TERF2: variants seen among roughly 807,000 people sequenced by gnomAD.
TERF2 encodes telomeric repeat-binding factor 2.
A neutral mutation model predicts 56.1 loss-of-function variants in TERF2; 16 were observed. The ratio of observed to expected loss-of-function variants is 0.29; its 90% CI spans 0.19 to 0.43. The LOEUF is 0.43. Ranked by LOEUF, TERF2 falls within the 20% of genes least tolerant of loss-of-function variation. The pLI is 1.00. For synonymous variants in TERF2, 296 were observed against 282.1 expected (o/e 1.05, Z -0.50); for missense variants, 547 against 712.9 (o/e 0.77, Z 2.65).
intron 5 of TERF2, 47 bp downstream of exon 5, chr16:69,370,436 C>A: frequency 6.3e-7 from 1 of 1,592,428 alleles, no homozygotes. Flanking sequence ...ATTCCCCGCA[C>A]ATCCTCAAGG....
At chr16:69,365,377 C>G (rs1475528208) in intron 7 of TERF2, 2 of 152,376 alleles carry the variant, frequency 1.3e-5, no homozygotes, top group African/African-American at 4.8e-5. Context: ...ATGCCACAGC[C>G]CTTTGGGGCA....
At position 69,385,465 on chromosome 16, in the gene TERF2, C is replaced by T; in HGVS notation, c.401G>A (p.Gly134Glu). 1 of 1,614,112 alleles carries T rather than the reference C, an allele frequency of 6.2e-7. No individual in the cohort carries two copies. Among genetic ancestry groups the T allele is most frequent in the Non-Finnish European group, 8.5e-7 (1 of 1,180,006 alleles). Residue 134 changes from glycine to glutamate, a missense_variant, in exon 2 of 10, where the codon GGG (glycine) becomes GAG (glutamate). Gly to Glu is a moderately conservative substitution (Grantham distance 98, BLOSUM62 -2). Around this residue, in one of 6 missense-constraint regions of TERF2, gnomAD observed 120 missense variants for 172.4 expected, o/e 0.70. Coordinates refer to ENST00000254942, the MANE Select transcript of TERF2 (RefSeq NM_005652.5). ...CAATCGGGACACGGTGTGCTCCTTCCCCAAGGGCCTGACAAGCAAAGCTGG... is the reference window on the plus strand; with the variant it reads ...CAATCGGGACACGGTGTGCTCCTTCTCCAAGGGCCTGACAAGCAAAGCTGG... The part of the protein sequence containing the change: ...IMQALLVRPL[G>E]KEHTVSRLLR...
intron 2 of TERF2, among the ~76,000 whole-genome samples, 156 bp downstream of exon 2, chr16:69,385,235 C>T (rs1957253279): frequency 6.6e-6 from 1 of 152,050 alleles, no homozygotes; most frequent in African/African-American, 2.4e-5. Context: ...AAAACTAGAG[C>T]CAGTCGAGCC....
intron 7 of TERF2, chr16:69,366,584 C>T (rs1392707181): frequency 3.7e-6 from 2 of 534,698 alleles, no homozygotes; most frequent in Non-Finnish European, 6.5e-6. Flanking sequence ...TTTCCATTCC[C>T]ACTCATGCCC....
intron 3 of TERF2, among the ~76,000 whole-genome samples, chr16:69,383,809 T>C (rs554665529): frequency 1.3e-5 from 2 of 152,314 alleles, no homozygotes; most frequent in South Asian, 4.1e-4. Flanking sequence ...TTCTTAACCA[T>C]TTCCCTATTT....
At chr16:69,359,469 G>A (rs1196250152) in intron 8 of TERF2, among the ~76,000 whole-genome samples, 30 of 150,274 alleles carry the variant, frequency 2.0e-4, no homozygotes, top group African/African-American at 5.1e-4. Flanking sequence ...TGGAGGTTGC[G>A]GTGAGGCAAG....
chr16:69,369,274 C>A (rs1192631692), intron 5 of TERF2, among the ~76,000 whole-genome samples: 1 of 152,130 alleles, frequency 6.6e-6, no homozygotes. Flanking sequence ...AGATCATGGA[C>A]ACTATCCTAA....
intron 3 of TERF2, among the ~76,000 whole-genome samples, chr16:69,380,927 G>A (rs1046065033): frequency 1.4e-4 from 21 of 150,034 alleles, no homozygotes; most frequent in Middle Eastern, 3.5e-3. Flanking sequence ...TCAGTCTCCC[G>A]AGTAGCTGGG....
Position 69,366,824 on chromosome 16 carries a change from A to G in TERF2, c.1323T>C (p.Pro441=). ...CTTCATACTTGGGATTCTTCTCTCC[A>G]GGGAGGGGTTGGTTGAGAACGGTGG... The part of the protein sequence containing the change: ...SKPTVLNQPL[P]GEKNPKVPKG... Residue 441 remains proline, a synonymous_variant, in exon 7 of 10, where the codon CCT becomes CCC. Transcript: ENST00000254942. The G allele has an allele frequency of 6.2e-7, 1 of 1,612,506 alleles. No homozygotes were observed. The highest frequency in any genetic ancestry group is 8.5e-7 in the Non-Finnish European group (1 of 1,179,272).
chr16:69,375,967 CTT>C (rs1003666281), intron 3 of TERF2, among the ~76,000 whole-genome samples: 7 of 152,084 alleles, frequency 4.6e-5, no homozygotes, highest in African/African-American at 1.7e-4. Flanking sequence ...GATACCAGTT[CTT>C]TGTCAGGTGT....
At chr16:69,369,465 A>G (rs2142734412) in intron 5 of TERF2, among the ~76,000 whole-genome samples, 1 of 152,192 alleles carries the variant, frequency 6.6e-6, no homozygotes, top group South Asian at 2.1e-4. Context: ...CACCTGGCTA[A>G]TTTTTGTATT....
At position 69,385,981 on chromosome 16, in the gene TERF2, A is replaced by G. The variant is rs2014195022; in HGVS notation, c.-10T>C. On this transcript the variant is annotated 5_prime_UTR_variant, in exon 1 of 10. Transcript: ENST00000254942. ...CGGCTCCCGCGGCCATGATAGAAACAGCGTTCCGAGCCGCCCGCGGGCTTC... is the reference window on the plus strand; with the variant it reads ...CGGCTCCCGCGGCCATGATAGAAACGGCGTTCCGAGCCGCCCGCGGGCTTC... 2.3e-6 allele frequency: 3 copies of G among 1,319,994 alleles called. No individual in the cohort carries two copies. Among genetic ancestry groups the G allele is most frequent in the East Asian group, 3.1e-5 (1 of 31,850 alleles). 81.8% of individuals were successfully genotyped at this position (1,319,994 alleles called of 1,614,324 possible).
chr16:69,363,745 G>T (rs2013234084), intron 7 of TERF2, among the ~76,000 whole-genome samples: 1 of 152,222 alleles, frequency 6.6e-6, no homozygotes. Context: ...CAGGCAGGTG[G>T]ATCGCTTATT....
At chr16:69,362,900 A>C (rs2013198799) in intron 7 of TERF2, among the ~76,000 whole-genome samples, 1 of 152,228 alleles carries the variant, frequency 6.6e-6, no homozygotes, top group Non-Finnish European at 1.5e-5. Flanking sequence ...GCCATGAAGA[A>C]AAAACTTATT....
At chr16:69,382,025 C>G (rs72797163) in intron 3 of TERF2, among the ~76,000 whole-genome samples, 1 of 152,110 alleles carries the variant, frequency 6.6e-6, no homozygotes, top group Non-Finnish European at 1.5e-5. Flanking sequence ...ATCTTGATCA[C>G]GCTAAGGAAT....
intron 5 of TERF2, among the ~76,000 whole-genome samples, chr16:69,369,117 T>TATCTATAA (rs766945140): frequency 6.8e-6 from 1 of 148,134 alleles, no homozygotes; most frequent in Non-Finnish European, 1.5e-5. Flanking sequence ...TCAGGGCTCT[T>TATCTATAA]TGTGTTATAT....
chr16:69,372,882 A>T (rs2013629952), intron 3 of TERF2, among the ~76,000 whole-genome samples: 1 of 152,170 alleles, frequency 6.6e-6, no homozygotes, highest in Non-Finnish European at 1.5e-5. Flanking sequence ...TGGCTGATAG[A>T]GCAAAATCTG....
chr16:69,378,517 T>G (rs1237258900), intron 3 of TERF2, among the ~76,000 whole-genome samples: 1 of 152,334 alleles, frequency 6.6e-6, no homozygotes, highest in Admixed American at 6.5e-5. Context: ...GAGAGATCCT[T>G]CCTTGCTCCT....
chr16:69,369,307 C>T (rs529809561), intron 5 of TERF2, among the ~76,000 whole-genome samples: 12 of 152,256 alleles, frequency 7.9e-5, no homozygotes, highest in Admixed American at 2.6e-4. Context: ...AGATCTGTTA[C>T]GAGACAGAAT....
Sources: gnomAD v4.1 joint callset for allele counts (sites outside exome capture counted in the v4.1 genomes callset) on GRCh38, gnomAD v4.1.1 for gene constraint, gnomAD v4.1.1 regional missense constraint, MANE v1.5 for transcripts, NCBI Gene and HGNC (gene_info 2026-07-23, HGNC 2026-07-21) for gene names.